IGLL1: variants seen among roughly 807,000 people sequenced by gnomAD.
IGLL1 encodes immunoglobulin lambda like polypeptide 1, also known as immunoglobulin lambda-like polypeptide 1.
IGLL1 carries 10 observed loss-of-function variants against 10.5 expected under a neutral mutation model. The observed-to-expected ratio is 0.95, with a 90% CI of 0.59 to 1.62. The LOEUF (loss-of-function observed/expected upper bound fraction) is 1.62. IGLL1 is among the 40% of genes most tolerant of loss of function. IGLL1 has a pLI of 0.00. For missense variants in IGLL1, 284 were observed against 278.7 expected, an observed-to-expected ratio of 1.02 and a Z score of -0.14; for synonymous variants, 141 against 122.7, an observed-to-expected ratio of 1.15 and a Z score of -0.99.
intron 1 of IGLL1, among the ~76,000 whole-genome samples, chr22:23,579,052 A>G (rs906175994): frequency 3.3e-5 from 5 of 152,096 alleles, no homozygotes; most frequent in Non-Finnish European, 1.5e-5. Flanking sequence ...AGGATGGGAC[A>G]GGGGAGAGCT....
chr22:23,577,154 G>A (rs2123701190), intron 1 of IGLL1, among the ~76,000 whole-genome samples: 1 of 152,314 alleles, frequency 6.6e-6, no homozygotes, highest in South Asian at 2.1e-4. Flanking sequence ...GCTCACGTCT[G>A]TAATCTCAGC....
In IGLL1 at chr22:23,573,323, C is replaced by T. The variant is rs530821067; in HGVS notation, c.585G>A (p.Gln195=). The change falls in exon 3 of 3, where the codon CAG becomes CAA. Residue 195 remains glutamine, a synonymous_variant. Coordinates refer to ENST00000330377, the MANE Select transcript of IGLL1 (RefSeq NM_020070.4). ...CCACGGTGCTCCCTTCGTGCATGAC[C>T]TGGCAGCTGTAGCTTCTGCGGGACC... is the stretch of plus-strand genomic sequence containing the variant. The part of the protein sequence containing the change: ...QWRSRRSYSC[Q]VMHEGSTVEK... The T allele has an allele frequency of 6.2e-7, 1 of 1,614,130 alleles. No individual in the cohort carries two copies. Among genetic ancestry groups the T allele is most frequent in the Admixed American group, 1.7e-5 (1 of 60,030 alleles).
intron 1 of IGLL1, among the ~76,000 whole-genome samples, chr22:23,579,272 T>C (rs1054888729): frequency 3.9e-5 from 6 of 152,092 alleles, no homozygotes; most frequent in African/African-American, 1.4e-4. Context: ...GTGTCCCAAA[T>C]GCTCATAAAT....
chr22:23,577,176 C>A (rs55662540), intron 1 of IGLL1, among the ~76,000 whole-genome samples: 37,244 of 152,080 alleles, frequency 0.24, 8,042 homozygotes, highest in African/African-American at 0.58. Flanking sequence ...CTTTAGGAGG[C>A]CGAGGCGGGT....
At chr22:23,579,648 A>T (rs1170049638) in intron 1 of IGLL1, among the ~76,000 whole-genome samples, 1 of 151,922 alleles carries the variant, frequency 6.6e-6, no homozygotes, top group Non-Finnish European at 1.5e-5. Flanking sequence ...CTTCAGGGAT[A>T]GCGGCCACCA....
rs55950901 is a variant in IGLL1, at chr22:23,573,750, G to C, written c.323-165C>G. ...CCCTCCTTTCCACTGGAGCCCTCTGGAGAGCAGACAGCCCTGTGCCTTCCT... is the reference window on the plus strand; with the variant it reads ...CCCTCCTTTCCACTGGAGCCCTCTGCAGAGCAGACAGCCCTGTGCCTTCCT... On this transcript the variant is annotated intron_variant, in intron 2 of 2. Transcript: ENST00000330377. 0.3 allele frequency among the ~76,000 whole-genome samples: 43,182 copies of C among 144,520 alleles called. 4,988 individuals carry two copies. Among genetic ancestry groups the C allele is most frequent in the African/African-American group, 0.41 (15,828 of 38,884 alleles). The allele number at this position is 144,520 out of a possible 152,430, so 94.8% of individuals were successfully genotyped here.
At position 23,580,032 on chromosome 22, in the gene IGLL1, T is replaced by TC; in HGVS notation, c.158dup (p.Ala54SerfsTer39). 1 of 1,580,930 alleles carries TC rather than the reference T, an allele frequency of 6.3e-7. No homozygotes were observed. The highest frequency in any genetic ancestry group is 2.3e-5 in the East Asian group (1 of 43,540). On this transcript the variant is annotated frameshift_variant, in exon 1 of 3. Transcript: ENST00000330377. LOFTEE classifies it high-confidence loss of function. ...TGGACCGGCTGCTTCCTCCAGGGGCTCCAGGGCCCAGGGCCCTGCTCTGCG... is the reference window on the plus strand; with the variant it reads ...TGGACCGGCTGCTTCCTCCAGGGGCTCCCAGGGCCCAGGGCCCTGCTCTGCG...
At chr22:23,579,043 G>A (rs1287770209) in intron 1 of IGLL1, among the ~76,000 whole-genome samples, 2 of 152,156 alleles carry the variant, frequency 1.3e-5, no homozygotes, top group Non-Finnish European at 2.9e-5. Flanking sequence ...TCAGCTTAGA[G>A]GATGGGACAG....
intron 2 of IGLL1, among the ~76,000 whole-genome samples, chr22:23,573,945 C>A (rs1245178503): frequency 1.3e-5 from 2 of 150,998 alleles, no homozygotes; most frequent in African/African-American, 4.9e-5. Flanking sequence ...ACTATACTGG[C>A]AGGATGTGGG....
rs569006478 is a variant in IGLL1, at chr22:23,573,873, C to T, written c.323-288G>A. On this transcript the variant is annotated intron_variant, in intron 2 of 2. Coordinates refer to ENST00000330377, the MANE Select transcript of IGLL1 (RefSeq NM_020070.4). ...TGTGCACCCAGGGCAGGCTGTGCTC[C>T]CTCCTTCCTGGTTTCTGGAGTCTGA... 7.2e-5 allele frequency among the ~76,000 whole-genome samples: 11 copies of T among 152,114 alleles called. No homozygotes were observed. The East Asian group carries it at 2.1e-3, about 29-fold the overall frequency.
chr22:23,579,596 G>T (rs1219558128), intron 1 of IGLL1, among the ~76,000 whole-genome samples: 1 of 151,762 alleles, frequency 6.6e-6, no homozygotes, highest in Non-Finnish European at 1.5e-5. Context: ...AGGAGGGGGG[G>T]GAGGAGGAGT....
At chr22:23,579,925 C>A (rs1004956328) in intron 1 of IGLL1, 60 bp downstream of exon 1, 1 of 1,442,452 alleles carries the variant, frequency 6.9e-7, no homozygotes, top group South Asian at 1.2e-5. Flanking sequence ...TCCCCTTGGT[C>A]ATCCTTTCCC....
chr22:23,580,198 CAGGGTCAGAGGTCCTT>C lies in IGLL1; in HGVS notation c.-24_-9del, dbSNP rs1925274853. ...GCCTGTCCCTGGCCTCATCGGCCCT[CAGGGTCAGAGGTCCTT>C]GTGGCCTGACTTGCAGTGTGGGCTC... is the stretch of plus-strand genomic sequence containing the variant. On this transcript the variant is annotated 5_prime_UTR_variant, in exon 1 of 3. Transcript: ENST00000330377. The C allele has an allele frequency of 1.3e-6, 2 of 1,537,796 alleles. No homozygotes were observed. The highest frequency in any genetic ancestry group is 1.7e-6 in the Non-Finnish European group (2 of 1,146,886).
Position 23,573,380 on chromosome 22 carries a change from G to A in IGLL1, c.528C>T (p.Ser176=). 6.2e-7 allele frequency: 1 copy of A among 1,614,146 alleles called. No individual in the cohort carries two copies. The highest frequency in any genetic ancestry group is 8.5e-7 in the Non-Finnish European group (1 of 1,180,022). Residue 176 remains serine, a synonymous_variant, in exon 3 of 3, where the codon AGC becomes AGT. Coordinates refer to ENST00000330377, the MANE Select transcript of IGLL1 (RefSeq NM_020070.4). ...GCTCGGGCGTCAGGCTCAGGTAGCTGCTGGCCGCGTACTTGTTGTTGCTCT... is the reference window on the plus strand; with the variant it reads ...GCTCGGGCGTCAGGCTCAGGTAGCTACTGGCCGCGTACTTGTTGTTGCTCT... ...SKQSNNKYAA[S]SYLSLTPEQW...
intron 1 of IGLL1, among the ~76,000 whole-genome samples, chr22:23,578,525 C>T (rs78835223): frequency 0.026 from 3,981 of 152,314 alleles, 116 homozygotes; most frequent in African/African-American, 0.063. Flanking sequence ...CATGCTGACC[C>T]CGCCTCCATG....
chr22:23,578,064 A>G (rs1446462061), intron 1 of IGLL1, among the ~76,000 whole-genome samples: 1 of 151,804 alleles, frequency 6.6e-6, no homozygotes, highest in African/African-American at 2.4e-5. Flanking sequence ...TTGTATTTTT[A>G]GTAGAGACGG....
chr22:23,573,284 G>C lies in IGLL1; in HGVS notation c.624C>G (p.Ala208=). 4 of 1,614,080 alleles carry C rather than the reference G, an allele frequency of 2.5e-6. No individual in the cohort carries two copies. The South Asian group carries it at 4.4e-5, about 18-fold the overall frequency. ...TGGGAACCTATGAACATTCTGCAGG[G>C]GCCACCGTCTTCTCCACGGTGCTCC... ...HEGSTVEKTV[A]PAECS Residue 208 remains alanine, a synonymous_variant, in exon 3 of 3, where the codon GCC becomes GCG. Transcript: ENST00000330377.
chr22:23,575,777 T>C (rs543005783), intron 1 of IGLL1, among the ~76,000 whole-genome samples: 1 of 152,282 alleles, frequency 6.6e-6, no homozygotes. Context: ...AAGGCCCTCC[T>C]CATGGTCATG....
rs201477468 is a variant in IGLL1, at chr22:23,579,867, T to C, written c.206+118A>G. 57 of 739,416 alleles carry C rather than the reference T, an allele frequency of 7.7e-5. No individual in the cohort carries two copies. In the East Asian group the frequency reaches 1.5e-3, roughly 20 times the overall value. The allele number at this position is 739,416 out of a possible 1,614,324, so 45.8% of individuals were successfully genotyped here. ...ACACTTTAGTTAAAGTCAGTGTCTG[T>C]GGCTCCCCTCCAGGGATTAACCTTC... is the stretch of plus-strand genomic sequence containing the variant. On this transcript the variant is annotated intron_variant, in intron 1 of 2. Coordinates refer to ENST00000330377, the MANE Select transcript of IGLL1 (RefSeq NM_020070.4).
Sources: allele counts gnomAD v4.1 joint callset (sites outside exome capture counted in the v4.1 genomes callset), GRCh38; gene constraint gnomAD v4.1.1; transcripts MANE v1.5; gene names NCBI Gene and HGNC (gene_info 2026-07-23, HGNC 2026-07-21).